CCDC192: variants seen among roughly 807,000 people sequenced by gnomAD.
CCDC192 encodes the protein coiled-coil domain containing 192.
At chr5:127,818,685 G>A (rs568217900) in intron 5 of CCDC192, among the ~76,000 whole-genome samples, 1 of 152,240 alleles carries the variant, frequency 6.6e-6, no homozygotes, top group Admixed American at 6.5e-5. Context: ...AGTGATACCT[G>A]AGCTGAGTAT....
intron 3 of CCDC192, among the ~76,000 whole-genome samples, chr5:127,762,536 TCAAACACAA>T (rs1195943096): frequency 7.2e-5 from 11 of 152,122 alleles, no homozygotes; most frequent in Non-Finnish European, 1.6e-4. Flanking sequence ...TTGAATAGAG[TCAAACACAA>T]TGACAAATCG....
chr5:127,782,479 C>G (rs1756286348), intron 3 of CCDC192, among the ~76,000 whole-genome samples: 1 of 151,804 alleles, frequency 6.6e-6, no homozygotes, highest in African/African-American at 2.4e-5. Flanking sequence ...TTAAAATTTC[C>G]ATTTCAATCT....
chr5:127,770,062 C>G (rs1384309707), intron 3 of CCDC192, among the ~76,000 whole-genome samples: 1 of 152,148 alleles, frequency 6.6e-6, no homozygotes, highest in Non-Finnish European at 1.5e-5. Flanking sequence ...GATGCCTCTA[C>G]TTCCCAGTTA....
intron 2 of CCDC192, among the ~76,000 whole-genome samples, chr5:127,716,989 T>C (rs1006762187): frequency 2.0e-5 from 3 of 152,174 alleles, no homozygotes; most frequent in South Asian, 4.1e-4. Context: ...GAATAAATCA[T>C]AACCTAATGA....
chr5:127,805,158 T>G (rs1288614849), intron 5 of CCDC192, among the ~76,000 whole-genome samples: 4 of 152,206 alleles, frequency 2.6e-5, no homozygotes, highest in African/African-American at 9.6e-5. Context: ...CTAATTCTAC[T>G]GTAAAGTGAC....
chr5:127,711,191 A>G (rs1751313821), intron 2 of CCDC192, among the ~76,000 whole-genome samples: 1 of 152,228 alleles, frequency 6.6e-6, no homozygotes, highest in African/African-American at 2.4e-5. Flanking sequence ...TGCCACATCT[A>G]AAAGTAAGGC....
chr5:127,795,449 C>A (rs1377489055), intron 3 of CCDC192, among the ~76,000 whole-genome samples: 4 of 152,100 alleles, frequency 2.6e-5, no homozygotes, highest in African/African-American at 9.7e-5. Flanking sequence ...TGTTTAAACT[C>A]ATGTAATCCT....
chr5:127,909,122 A>G (rs1753276196), intron 6 of CCDC192, among the ~76,000 whole-genome samples: 1 of 152,150 alleles, frequency 6.6e-6, no homozygotes. Flanking sequence ...AGCTGAAGAG[A>G]GAATAGGGAG....
At chr5:127,786,139 T>G in intron 3 of CCDC192, 1 of 1,087,930 alleles carries the variant, frequency 9.2e-7, no homozygotes, top group Non-Finnish European at 1.4e-6. Context: ...AAGTTCTGTG[T>G]GGAAAATTTC....
At chr5:127,758,281 A>G (rs988183167) in intron 3 of CCDC192, among the ~76,000 whole-genome samples, 2 of 152,190 alleles carry the variant, frequency 1.3e-5, no homozygotes, top group Admixed American at 6.5e-5. Flanking sequence ...GTCCACTGTT[A>G]CAAAGAAAAA....
intron 5 of CCDC192, among the ~76,000 whole-genome samples, chr5:127,857,253 A>G (rs1164693549): frequency 6.6e-6 from 1 of 152,158 alleles, no homozygotes; most frequent in Non-Finnish European, 1.5e-5. Flanking sequence ...AGTGTGTACC[A>G]TTATAGTCCT....
chr5:127,827,921 T>C (rs1482402511), intron 5 of CCDC192, among the ~76,000 whole-genome samples: 1 of 152,192 alleles, frequency 6.6e-6, no homozygotes, highest in Non-Finnish European at 1.5e-5. Context: ...TTTTTTTTCC[T>C]TTGAGACTGA....
chr5:127,837,355 C>A (rs1255886906), intron 5 of CCDC192, among the ~76,000 whole-genome samples: 1 of 81,364 alleles, frequency 1.2e-5, no homozygotes, highest in African/African-American at 4.1e-5. Flanking sequence ...GAAGAGGAAG[C>A]AGGCACATCT....
chr5:127,807,083 A>G (rs1335734921), intron 5 of CCDC192, among the ~76,000 whole-genome samples: 2 of 152,106 alleles, frequency 1.3e-5, no homozygotes, highest in Non-Finnish European at 2.9e-5. Flanking sequence ...AGCCCCATAT[A>G]GTTTTTTGGA....
At chr5:127,760,394 A>T (rs560429921) in intron 3 of CCDC192, among the ~76,000 whole-genome samples, 10 of 152,062 alleles carry the variant, frequency 6.6e-5, no homozygotes, top group African/African-American at 2.2e-4. Flanking sequence ...ATGATTTCCC[A>T]TGGAAACTCT....
At chr5:127,851,117 T>C (rs1188791273) in intron 5 of CCDC192, among the ~76,000 whole-genome samples, 1 of 152,228 alleles carries the variant, frequency 6.6e-6, no homozygotes, top group Non-Finnish European at 1.5e-5. Context: ...TTGTCCTGGC[T>C]TCTGCAAATC....
chr5:127,911,547 A>T (rs967688434), intron 6 of CCDC192, among the ~76,000 whole-genome samples: 1 of 152,154 alleles, frequency 6.6e-6, no homozygotes, highest in Non-Finnish European at 1.5e-5. Context: ...TATAATTTAG[A>T]TATATTTATT....
intron 5 of CCDC192, among the ~76,000 whole-genome samples, chr5:127,872,981 A>C (rs1468707651): frequency 6.6e-6 from 1 of 152,236 alleles, no homozygotes; most frequent in Admixed American, 6.5e-5. Context: ...TTTTTTAAAA[A>C]GAGTTAAAAT....
At chr5:127,908,808 T>G (rs1216880892) in intron 6 of CCDC192, among the ~76,000 whole-genome samples, 1 of 152,166 alleles carries the variant, frequency 6.6e-6, no homozygotes, top group African/African-American at 2.4e-5. Flanking sequence ...TGTTCAACTT[T>G]GGCATCCAAG....
Sources: allele counts gnomAD v4.1 joint callset (sites outside exome capture counted in the v4.1 genomes callset), GRCh38; gene constraint gnomAD v4.1.1; transcripts MANE v1.5; gene names NCBI Gene and HGNC (gene_info 2026-07-23, HGNC 2026-07-21).